The following HNF4G variants were observed in gnomAD, a reference collection of about 807,000 sequenced individuals.
HNF4G encodes hepatocyte nuclear factor 4 gamma.
Under a neutral mutation model 50.9 loss-of-function variants are expected in HNF4G, and 21 were observed. The ratio of observed to expected loss-of-function variants is 0.41; its 90% CI spans 0.29 to 0.59. HNF4G has a LOEUF of 0.59. HNF4G is among the 20% of genes least tolerant of loss of function. HNF4G has a pLI of 0.26. For missense variants in HNF4G, 527 were observed against 559.4 expected (o/e 0.94, Z 0.58); for synonymous variants, 198 against 185.6 (o/e 1.07, Z -0.54).
chr8:75,495,126 CT>C (rs1467533254), intron 2 of HNF4G, among the ~76,000 whole-genome samples: 1 of 152,168 alleles, frequency 6.6e-6, no homozygotes, highest in Non-Finnish European at 1.5e-5. Flanking sequence ...TCTATTTATG[CT>C]TTTGCAACTG....
chr8:75,449,510 T>TG, intron 1 of HNF4G, among the ~76,000 whole-genome samples: 1 of 10,616 alleles, frequency 9.4e-5, no homozygotes, highest in Non-Finnish European at 1.9e-4. Flanking sequence ...TATTTTTTTC[T>TG]TTTTTTTTTT....
intron 1 of HNF4G, among the ~76,000 whole-genome samples, chr8:75,433,658 CAA>C (rs1389090605): frequency 1.3e-5 from 2 of 152,092 alleles, no homozygotes; most frequent in African/African-American, 4.8e-5. Context: ...CTCAGCCTCC[CAA>C]AGTGCTGGGA....
At chr8:75,460,197 T>C (rs982770899) in intron 1 of HNF4G, among the ~76,000 whole-genome samples, 1 of 152,156 alleles carries the variant, frequency 6.6e-6, no homozygotes, top group Non-Finnish European at 1.5e-5. Flanking sequence ...ACAGGCCTGA[T>C]TAATAAAGAC....
intron 2 of HNF4G, among the ~76,000 whole-genome samples, chr8:75,508,764 A>T (rs1805670827): frequency 6.6e-6 from 1 of 152,150 alleles, no homozygotes; most frequent in Non-Finnish European, 1.5e-5. Context: ...GAAGTTCATT[A>T]ATATTGAAGG....
intron 2 of HNF4G, among the ~76,000 whole-genome samples, chr8:75,501,138 C>T (rs1329817317): frequency 6.6e-6 from 1 of 151,908 alleles, no homozygotes; most frequent in African/African-American, 2.4e-5. Flanking sequence ...TATAAAACTA[C>T]AGGAATTTTA....
intron 2 of HNF4G, among the ~76,000 whole-genome samples, chr8:75,523,709 C>A (rs1233269587): frequency 6.6e-6 from 1 of 151,854 alleles, no homozygotes; most frequent in Non-Finnish European, 1.5e-5. Context: ...TTAAAAACTT[C>A]TCCCTGCTGT....
upstream of HNF4G, among the ~76,000 whole-genome samples, chr8:75,536,704 C>T (rs534251310): frequency 6.6e-6 from 1 of 152,082 alleles, no homozygotes; most frequent in South Asian, 2.1e-4. Flanking sequence ...GTTATAAAAA[C>T]ACCACAATCA....
chr8:75,489,796 T>A (rs968199446), intron 1 of HNF4G, among the ~76,000 whole-genome samples: 1 of 152,212 alleles, frequency 6.6e-6, no homozygotes, highest in Non-Finnish European at 1.5e-5. Context: ...TTAGTCAGAT[T>A]TCTCAACATT....
chr8:75,422,733 A>T (rs532982564), intron 1 of HNF4G, among the ~76,000 whole-genome samples: 1 of 151,570 alleles, frequency 6.6e-6, no homozygotes, highest in East Asian at 1.9e-4. Context: ...TCCCAGGTTC[A>T]CGCCATTCTC....
intron 2 of HNF4G, among the ~76,000 whole-genome samples, chr8:75,515,328 G>C (rs1311739865): frequency 6.6e-6 from 1 of 152,134 alleles, no homozygotes; most frequent in South Asian, 2.1e-4. Flanking sequence ...TGATTTGAGA[G>C]TTTTCTTCTT....
At chr8:75,436,732 A>T (rs537126869) in intron 1 of HNF4G, among the ~76,000 whole-genome samples, 24 of 152,304 alleles carry the variant, frequency 1.6e-4, no homozygotes, top group African/African-American at 5.8e-4. Flanking sequence ...GAGACACTGA[A>T]ACATATTTAA....
rs1306256744 is a variant in HNF4G at position 75,558,886 on chromosome 8, G to A, written c.972G>A (p.Arg324=). ...GTTTGGAGGACTACATCAATGATCG[G>A]CAGTATGACTCCCGGGGGAGGTTTG... ...QIGLEDYIND[R]QYDSRGRFGE... The change falls in exon 8 of 10, where the codon CGG becomes CGA. Residue 324 remains arginine (R), a synonymous_variant. Transcript: ENST00000396423. 1.2e-6 allele frequency: 2 copies of A among 1,614,004 alleles called. No individual in the cohort carries two copies. The highest frequency in any genetic ancestry group is 1.7e-5 in the Admixed American group (1 of 60,000).
At chr8:75,530,593 T>C (rs1240623370) in intron 2 of HNF4G, among the ~76,000 whole-genome samples, 3 of 152,128 alleles carry the variant, frequency 2.0e-5, no homozygotes, top group Non-Finnish European at 4.4e-5. Context: ...GTTTAAATCA[T>C]TTTCTAAGAC....
intron 1 of HNF4G, among the ~76,000 whole-genome samples, chr8:75,466,636 C>CCCTTCCCT (rs1197117089): frequency 0.036 from 1,398 of 38,734 alleles, 38 homozygotes; most frequent in Non-Finnish European, 0.058. Flanking sequence ...TTCCTTCCTT[C>CCCTTCCCT]TCCCTTCCCT....
At chr8:75,546,700 T>C (rs1030179815) in intron 2 of HNF4G, among the ~76,000 whole-genome samples, 9 of 152,186 alleles carry the variant, frequency 5.9e-5, no homozygotes, top group African/African-American at 2.2e-4. Flanking sequence ...TATCAGTACT[T>C]CATTCTTATT....
intron 1 of HNF4G, among the ~76,000 whole-genome samples, chr8:75,431,890 C>T (rs1037238231): frequency 1.3e-5 from 2 of 151,550 alleles, no homozygotes; most frequent in Non-Finnish European, 2.9e-5. Context: ...CGCACCATTG[C>T]ACTCCAGCCT....
At chr8:75,524,564 T>C (rs902711490) in intron 2 of HNF4G, among the ~76,000 whole-genome samples, 5 of 152,204 alleles carry the variant, frequency 3.3e-5, no homozygotes, top group Non-Finnish European at 7.4e-5. Flanking sequence ...ATCAGAATTA[T>C]GACATTATAA....
intron 2 of HNF4G, among the ~76,000 whole-genome samples, chr8:75,492,577 A>T (rs1042932159): frequency 6.6e-6 from 1 of 152,130 alleles, no homozygotes; most frequent in South Asian, 2.1e-4. Context: ...ATTACATAAC[A>T]CTTGCACATA....
intron 1 of HNF4G, among the ~76,000 whole-genome samples, chr8:75,454,301 T>C (rs1281744145): frequency 6.6e-6 from 1 of 152,128 alleles, no homozygotes; most frequent in African/African-American, 2.4e-5. Flanking sequence ...ATCCAGTCTA[T>C]AGTACTTTGT....
Sources: gnomAD v4.1 joint callset for allele counts (sites outside exome capture counted in the v4.1 genomes callset) on GRCh38, gnomAD v4.1.1 for gene constraint, MANE v1.5 for transcripts, NCBI Gene and HGNC (gene_info 2026-07-23, HGNC 2026-07-21) for gene names.